The following TEKTL1 variants were observed in gnomAD, a reference collection of about 807,000 sequenced individuals.
TEKTL1 encodes tektin like 1, also known as tektin-like protein 1.
the TEKTL1 span, chr19:15,011,366 C>T: frequency 6.9e-7 from 1 of 1,449,512 alleles, no homozygotes; most frequent in South Asian, 1.5e-5. Context: ...GAGCGTCAAG[C>T]TGCGGGGCTA....
the TEKTL1 span, chr19:15,021,603 T>C: frequency 6.2e-7 from 1 of 1,613,910 alleles, no homozygotes; most frequent in Non-Finnish European, 8.5e-7. Flanking sequence ...CCCCTGCGCT[T>C]CCCTGCCCCC....
chr19:15,022,847 G>A, the TEKTL1 span: 4 of 1,564,726 alleles, frequency 2.6e-6, no homozygotes, highest in Non-Finnish European at 1.7e-6. Context: ...TCTGGCTCAC[G>A]GGTCTGCCCT....
the TEKTL1 span, among the ~76,000 whole-genome samples, chr19:15,019,518 T>TAA: frequency 6.6e-6 from 1 of 152,190 alleles, no homozygotes; most frequent in South Asian, 2.1e-4. Flanking sequence ...TTATTATTTT[T>TAA]CAATTAAAAA....
chr19:15,011,386 G>A, the TEKTL1 span: 17 of 1,432,616 alleles, frequency 1.2e-5, no homozygotes, highest in African/African-American at 2.0e-4. Flanking sequence ...ACAGGCCCAA[G>A]TCTGAGAAGG....
chr19:15,021,748 A>T, the TEKTL1 span: 1 of 1,612,248 alleles, frequency 6.2e-7, no homozygotes. Context: ...GGGTGGAGGC[A>T]GGGGTGCCGG....
At chr19:15,017,723 A>G in the TEKTL1 span, among the ~76,000 whole-genome samples, 6 of 152,136 alleles carry the variant, frequency 3.9e-5, no homozygotes, top group Non-Finnish European at 5.9e-5. Flanking sequence ...GGGTGCCAGA[A>G]CAGAGCCAGG....
the TEKTL1 span, chr19:15,011,160 C>T: frequency 1.3e-6 from 2 of 1,511,936 alleles, no homozygotes; most frequent in African/African-American, 1.4e-5. Context: ...CTGCCGCTAC[C>T]CTTGCACCGC....
At chr19:15,020,387 C>G in the TEKTL1 span, 2 of 1,290,178 alleles carry the variant, frequency 1.6e-6, no homozygotes, top group East Asian at 4.7e-5. Flanking sequence ...AAGCCTGCAG[C>G]AGAGAAATCA....
the TEKTL1 span, chr19:15,010,996 C>G: frequency 1.2e-5 from 19 of 1,590,938 alleles, no homozygotes; most frequent in Middle Eastern, 1.7e-4. Context: ...TGGACCCGAA[C>G]GTGGCCCACC....
At chr19:15,023,085 CGCCGCCGCGCA>C in the TEKTL1 span, 1 of 1,608,272 alleles carries the variant, frequency 6.2e-7, no homozygotes, top group South Asian at 1.1e-5. Context: ...CCGCGCACGC[CGCCGCCGCGCA>C]GCAAGAGCAG....
the TEKTL1 span, among the ~76,000 whole-genome samples, chr19:15,022,451 C>A: frequency 6.6e-6 from 1 of 152,060 alleles, no homozygotes; most frequent in Non-Finnish European, 1.5e-5. Context: ...GCCTCAGCCT[C>A]CTGAGTAGCT....
chr19:15,013,781 G>A, the TEKTL1 span: 1 of 1,601,580 alleles, frequency 6.2e-7, no homozygotes, highest in Non-Finnish European at 8.5e-7. Flanking sequence ...CTCAAGGTTA[G>A]GGGTGCCTGT....
the TEKTL1 span, among the ~76,000 whole-genome samples, chr19:15,015,654 TG>T: frequency 1.6e-4 from 24 of 152,160 alleles, no homozygotes; most frequent in African/African-American, 5.8e-4. Flanking sequence ...TGAAAAATTC[TG>T]GAGGTGGATT....
At chr19:15,011,659 G>A in the TEKTL1 span, among the ~76,000 whole-genome samples, 1 of 151,428 alleles carries the variant, frequency 6.6e-6, no homozygotes, top group Admixed American at 6.6e-5. Flanking sequence ...ACTTGAACCC[G>A]GGAGGCAGAG....
chr19:15,022,869 A>G, the TEKTL1 span: 1 of 1,586,330 alleles, frequency 6.3e-7, no homozygotes, highest in Non-Finnish European at 8.6e-7. Context: ...CTCCCTATCC[A>G]GGGCACCGAC....
chr19:15,013,084 A>G, the TEKTL1 span, among the ~76,000 whole-genome samples: 4 of 152,168 alleles, frequency 2.6e-5, no homozygotes, highest in South Asian at 8.3e-4. Context: ...GCTCCCATCC[A>G]GGGAGAAAGA....
At chr19:15,023,046 A>G in the TEKTL1 span, 1 of 1,612,178 alleles carries the variant, frequency 6.2e-7, no homozygotes, top group Non-Finnish European at 8.5e-7. Context: ...TGCTACGAGC[A>G]GGCGCAGCGC....
the TEKTL1 span, chr19:15,011,504 C>A: frequency 2.0e-6 from 2 of 976,056 alleles, no homozygotes; most frequent in Non-Finnish European, 2.8e-6. Flanking sequence ...GAGGCCAAGG[C>A]TGGTTGATCA....
At chr19:15,010,914 G>A in the TEKTL1 span, 2 of 1,575,240 alleles carry the variant, frequency 1.3e-6, no homozygotes, top group Non-Finnish European at 1.7e-6. Flanking sequence ...GCCATGGCGA[G>A]GACCGCGCAC....
Sources: allele counts gnomAD v4.1 joint callset (sites outside exome capture counted in the v4.1 genomes callset), GRCh38; gene constraint gnomAD v4.1.1; transcripts MANE v1.5; gene names NCBI Gene and HGNC (gene_info 2026-07-23, HGNC 2026-07-21).